The following SETDB2 variants were observed in gnomAD, a reference collection of about 807,000 sequenced individuals.
SETDB2 encodes histone-lysine N-methyltransferase SETDB2.
A neutral mutation model predicts 82.5 loss-of-function variants in SETDB2; 56 were observed. The ratio of observed to expected loss-of-function variants is 0.68; its 90% CI spans 0.55 to 0.85. The LOEUF is 0.85. SETDB2 is among the 40% of genes least tolerant of loss of function. SETDB2 has a pLI of 0.00. For missense variants in SETDB2, 677 were observed against 816.4 expected (o/e 0.83, Z 2.08); for synonymous variants, 272 against 284.9 (o/e 0.95, Z 0.46).
At chr13:49,457,898 C>CA (rs1251369342) in intron 2 of SETDB2, among the ~76,000 whole-genome samples, 3 of 152,104 alleles carry the variant, frequency 2.0e-5, no homozygotes, top group Non-Finnish European at 4.4e-5. Context: ...GAAAATACTT[C>CA]AAAATACATC....
chr13:49,482,921 A>T lies in SETDB2; in HGVS notation c.1341A>T (p.Lys447Asn), dbSNP rs1166001843. 2 of 1,613,068 alleles carry T rather than the reference A, an allele frequency of 1.2e-6. No individual in the cohort carries two copies. The highest frequency in any genetic ancestry group is 2.7e-5 in the African/African-American group (2 of 74,926). Residue 447 changes from lysine (K) to asparagine (N), a missense_variant, in exon 9 of 14, where the codon AAA becomes AAT. Physicochemically the swap from Lys to Asn is moderately conservative, Grantham distance 94. Around this residue, in one of 3 missense-constraint regions of SETDB2, gnomAD observed 420 missense variants for 554.6 expected, o/e 0.76. Transcript: ENST00000611815. ...ATCCTAGAACTGCTAAAACTGAGAA[A>T]TGTCCACCAAAGTTCAGTAATAATC... The part of the protein sequence containing the change: ...ETHPRTAKTE[K>N]CPPKFSNNPK...
At chr13:49,485,525 C>A in intron 10 of SETDB2, 105 bp from the exon 11 acceptor site, 1 of 845,634 alleles carries the variant, frequency 1.2e-6, no homozygotes, top group Non-Finnish European at 1.9e-6. Flanking sequence ...CAAAACGAAT[C>A]TAGTACATAT....
At position 49,488,361 on chromosome 13, in the gene SETDB2, A is replaced by G; in HGVS notation, c.1648A>G (p.Thr550Ala). ...LLIESDVIDI[T>A]KYREETPPRS... ...GATTGAATCAGATGTGATAGATATA[A>G]CTAAATATAGAGAAGAAACTCCACC... Residue 550 changes from threonine (T) to alanine (A), a missense_variant, in exon 12 of 14, where the codon ACT becomes GCT. By Grantham distance (58) the Thr-to-Ala change is moderately conservative. Transcript: ENST00000611815. The G allele has an allele frequency of 1.2e-6, 2 of 1,611,388 alleles. No individual in the cohort carries two copies. Among genetic ancestry groups the G allele is most frequent in the Non-Finnish European group, 1.7e-6 (2 of 1,179,382 alleles).
At chr13:49,462,138 G>T (rs1390272919) in intron 4 of SETDB2, among the ~76,000 whole-genome samples, 1 of 152,144 alleles carries the variant, frequency 6.6e-6, no homozygotes, top group Non-Finnish European at 1.5e-5. Flanking sequence ...GTTTTGTGGA[G>T]GTCTCATTAC....
At chr13:49,487,439 A>C (rs747540561) in intron 11 of SETDB2, among the ~76,000 whole-genome samples, 6 of 152,144 alleles carry the variant, frequency 3.9e-5, no homozygotes, top group Non-Finnish European at 8.8e-5. Context: ...GGGCTCAAAC[A>C]GTCCTCCCAC....
chr13:49,461,139 T>C lies in SETDB2; in HGVS notation c.185T>C (p.Ile62Thr). ...ATTCTAGTGAATGAAGCAACTATAA[T>C]TAACAGTTCAACATCAATAAAGGGT... The part of the protein sequence containing the change: ...AMILVNEATI[I>T]NSSTSIKDPM... Residue 62 changes from isoleucine (I) to threonine (T), a missense_variant, in exon 4 of 14, where the codon ATT becomes ACT. Physicochemically the swap from Ile to Thr is moderately conservative, Grantham distance 89. Coordinates refer to ENST00000611815, the MANE Select transcript of SETDB2 (RefSeq NM_001160308.3). 6.2e-7 allele frequency: 1 copy of C among 1,610,854 alleles called. No individual in the cohort carries two copies. The highest frequency in any genetic ancestry group is 8.5e-7 in the Non-Finnish European group (1 of 1,177,448).
At chr13:49,458,534 C>T (rs1244332153) in intron 2 of SETDB2, among the ~76,000 whole-genome samples, 2 of 152,232 alleles carry the variant, frequency 1.3e-5, no homozygotes, top group East Asian at 1.9e-4. Context: ...TTCTCTTCCA[C>T]CTCAGTCTCT....
At chr13:49,477,069 A>G in intron 6 of SETDB2, 30 bp downstream of exon 6, 1 of 1,521,612 alleles carries the variant, frequency 6.6e-7, no homozygotes, top group Admixed American at 2.1e-5. Flanking sequence ...GTTTCAAAAA[A>G]ATCTTCTGAA....
In SETDB2 at chr13:49,460,160, A is replaced by G. The variant is rs1331787983; in HGVS notation, c.70A>G (p.Ile24Val). The G allele has an allele frequency of 1.2e-6, 2 of 1,613,488 alleles. No individual in the cohort carries two copies. Among genetic ancestry groups the G allele is most frequent in the South Asian group, 1.1e-5 (1 of 91,032 alleles). The change falls in exon 3 of 14, where the codon ATT becomes GTT. Residue 24 changes from isoleucine (I) to valine (V), a missense_variant. Ile to Val is a conservative substitution (Grantham distance 29). Transcript: ENST00000611815. ...AGAAGATGATGGAAAAGTGGACTTC[A>G]TTTTTGAACAAGTACAAAATGTGCT... ...ELEDDGKVDFIFEQVQNVLQS... is the reference protein window; with the variant it reads ...ELEDDGKVDFVFEQVQNVLQS...
At chr13:49,455,626 C>T (rs981660831) in intron 2 of SETDB2, among the ~76,000 whole-genome samples, 1 of 152,110 alleles carries the variant, frequency 6.6e-6, no homozygotes, top group Non-Finnish European at 1.5e-5. Context: ...TTCTCATTTT[C>T]ATTCTGTAGC....
chr13:49,487,113 A>G (rs895001782), intron 11 of SETDB2, among the ~76,000 whole-genome samples: 1 of 152,192 alleles, frequency 6.6e-6, no homozygotes, highest in Non-Finnish European at 1.5e-5. Flanking sequence ...CTTTTTGTAT[A>G]AAAAAATCCA....
chr13:49,466,003 A>G (rs1456508792), intron 4 of SETDB2, among the ~76,000 whole-genome samples: 1 of 152,216 alleles, frequency 6.6e-6, no homozygotes, highest in Non-Finnish European at 1.5e-5. Context: ...GCATTTTTGT[A>G]CAAAGGGTAA....
At chr13:49,450,754 G>C (rs1454469925) in intron 1 of SETDB2, among the ~76,000 whole-genome samples, 1 of 151,964 alleles carries the variant, frequency 6.6e-6, no homozygotes, top group Non-Finnish European at 1.5e-5. Context: ...AGAATTTACA[G>C]TATCTTGACT....
intron 10 of SETDB2, 78 bp from the exon 11 acceptor site, chr13:49,485,552 C>A: frequency 9.3e-7 from 1 of 1,080,552 alleles, no homozygotes; most frequent in Non-Finnish European, 1.4e-6. Flanking sequence ...TGATGATTGA[C>A]ACTTGATGAA....
chr13:49,489,292 G>T, intron 12 of SETDB2: 1 of 188,502 alleles, frequency 5.3e-6, no homozygotes, highest in Non-Finnish European at 1.1e-5. Context: ...GCGGCTAGTG[G>T]GCAACAGAGC....
At position 49,476,232 on chromosome 13, in the gene SETDB2, G is replaced by A. The variant is rs74076025; in HGVS notation, c.306-244G>A. Among the ~76,000 whole-genome samples, 1,387 of 152,248 alleles carry A rather than the reference G, an allele frequency of 9.1e-3. 23 individuals carry two copies. The highest frequency in any genetic ancestry group is 0.031 in the African/African-American group (1,299 of 41,528). ...GGACAAGAGTTCAAGGCTGCTCTGT[G>A]CTGTGATCACACCTGTGAATGGCCA... On this transcript the variant is annotated intron_variant, in intron 5 of 13. Coordinates refer to ENST00000611815, the MANE Select transcript of SETDB2 (RefSeq NM_001160308.3).
intron 1 of SETDB2, among the ~76,000 whole-genome samples, chr13:49,446,851 G>A (rs1434863837): frequency 4.6e-5 from 7 of 152,118 alleles, no homozygotes; most frequent in Admixed American, 4.6e-4. Context: ...GTGTTTTCTT[G>A]TGCACATGTG....
intron 1 of SETDB2, among the ~76,000 whole-genome samples, chr13:49,448,867 T>G (rs941554614): frequency 5.9e-5 from 9 of 152,204 alleles, no homozygotes; most frequent in African/African-American, 1.9e-4. Flanking sequence ...GATCTGTGCA[T>G]TTTCCTTTTA....
rs1304491109 is a variant in SETDB2 at position 49,494,978 on chromosome 13, A to G, written c.*3129A>G. On this transcript the variant is annotated 3_prime_UTR_variant, in exon 14 of 14. Transcript: ENST00000611815. ...GTGCTCTGTACCCTATGGGTGCTAA[A>G]TAAAGGCTTGCTACTGGCAACTGGA... The G allele has an allele frequency of 6.6e-6, 1 of 152,136 alleles. No homozygotes were observed. Among genetic ancestry groups the G allele is most frequent in the Non-Finnish European group, 1.5e-5 (1 of 68,028 alleles). 9.4% of individuals were successfully genotyped at this position (152,136 alleles called of 1,614,324 possible). A position where few individuals can be genotyped will look rare whatever the true frequency, so the allele number is the denominator to read the frequency against.
Sources: allele counts gnomAD v4.1 joint callset (sites outside exome capture counted in the v4.1 genomes callset), GRCh38; gene constraint gnomAD v4.1.1; regional missense constraint gnomAD v4.1.1; transcripts MANE v1.5; gene names NCBI Gene and HGNC (gene_info 2026-07-23, HGNC 2026-07-21).